Variants in DYRK1A observed in about 807,000 individuals in gnomAD.
The protein encoded by DYRK1A is dual specificity tyrosine phosphorylation regulated kinase 1A, also known as dual specificity tyrosine-phosphorylation-regulated kinase 1A.
A neutral mutation model predicts 79.7 loss-of-function variants in DYRK1A; 9 were observed. The observed-to-expected ratio is 0.11, with a 90% CI of 0.07 to 0.20. DYRK1A has a LOEUF of 0.20. Among genes scored for constraint, DYRK1A ranks in the 10% least tolerant of loss-of-function variants. The pLI, the probability that DYRK1A is intolerant of heterozygous loss-of-function variation, is 1.00. For missense variants in DYRK1A, 622 were observed against 956.0 expected (o/e 0.65, Z 4.61); for synonymous variants, 349 against 329.7 (o/e 1.06, Z -0.63).
rs77725144 is a variant in DYRK1A, at chr21:37,497,521, A to G, written c.1212+1263A>G. On this transcript the variant is annotated intron_variant, in intron 9 of 11. Transcript: ENST00000647188. The stretch of plus-strand genomic sequence containing the variant: ...TCTGGGAATCCTTACTAGCTTCACC[A>G]GCATTTAAAGGCGTTCCTACCAGTT... 9.6e-3 allele frequency among the ~76,000 whole-genome samples: 1,456 copies of G among 152,312 alleles called. 22 individuals are homozygous for G. Among genetic ancestry groups the G allele is most frequent in the African/African-American group, 0.034 (1,394 of 41,566 alleles).
intron 1 of DYRK1A, among the ~76,000 whole-genome samples, chr21:37,392,416 C>G (rs1413190064): frequency 6.6e-6 from 1 of 152,170 alleles, no homozygotes; most frequent in East Asian, 1.9e-4. Flanking sequence ...TGAGGCATGT[C>G]TTGGTCTGTT....
rs1445021851 is a variant in DYRK1A, at chr21:37,516,956, C to G, written c.*4425C>G. On this transcript the variant is annotated 3_prime_UTR_variant, in exon 12 of 12. Coordinates refer to ENST00000647188, the MANE Select transcript of DYRK1A (RefSeq NM_001347721.2). Reference sequence around the variant, plus strand: ...CAGCTGCTGTACCTGAAAATTTTTCCCCATAATTTCCCATCTTTAGGGTAT... The same window carrying G: ...CAGCTGCTGTACCTGAAAATTTTTCGCCATAATTTCCCATCTTTAGGGTAT... 2.0e-5 allele frequency: 3 copies of G among 152,084 alleles called. No individual in the cohort carries two copies. The highest frequency in any genetic ancestry group is 4.4e-5 in the Non-Finnish European group (3 of 68,020). The allele number at this position is 152,084 out of a possible 1,614,324, so 9.4% of individuals were successfully genotyped here. A position where few individuals can be genotyped will look rare whatever the true frequency, so the allele number is the denominator to read the frequency against.
At chr21:37,478,139 A>G (rs2052467224) in intron 3 of DYRK1A, 69 bp from the exon 4 acceptor site, 3 of 1,599,544 alleles carry the variant, frequency 1.9e-6, no homozygotes, top group Middle Eastern at 1.7e-4. Flanking sequence ...GAGGGAATTT[A>G]TATCTTATAG....
rs547405385 is a variant in DYRK1A at position 37,427,373 on chromosome 21, C to T, written c.10+6989C>T. 1.5e-3 allele frequency among the ~76,000 whole-genome samples: 233 copies of T among 152,344 alleles called. 1 individual carries two copies. The highest frequency in any genetic ancestry group is 2.8e-3 in the Admixed American group (43 of 15,304). On this transcript the variant is annotated intron_variant, in intron 2 of 11. Coordinates refer to ENST00000647188, the MANE Select transcript of DYRK1A (RefSeq NM_001347721.2). ...GACCAGCCTTAAGTGATTCTTCCGC[C>T]TTAACCTCCCAAAGTGCTGGGATTA...
In DYRK1A at chr21:37,521,778, G is replaced by A. The variant is rs1402807360; in HGVS notation, c.*9247G>A. 1 of 152,306 alleles carries A rather than the reference G, an allele frequency of 6.6e-6. No homozygotes were observed. The highest frequency in any genetic ancestry group is 6.5e-5 in the Admixed American group (1 of 15,290). The allele number at this position is 152,306 out of a possible 1,614,324, so 9.4% of individuals were successfully genotyped here. On this transcript the variant is annotated 3_prime_UTR_variant, in exon 12 of 12. Coordinates refer to ENST00000647188, the MANE Select transcript of DYRK1A (RefSeq NM_001347721.2). ...GCCAGCATCAGTTTATAAGTGGACA[G>A]AGTCGAGAGCTATTTAGGAAGGAGA...
At chr21:37,510,664 G>C (rs1158760884) in intron 11 of DYRK1A, among the ~76,000 whole-genome samples, 1 of 152,096 alleles carries the variant, frequency 6.6e-6, no homozygotes, top group Non-Finnish European at 1.5e-5. Context: ...TCCAGAATAG[G>C]TGTTCAGGTT....
At chr21:37,507,070 G>GCC (rs56810429) in intron 11 of DYRK1A, among the ~76,000 whole-genome samples, 45,849 of 151,924 alleles carry the variant, frequency 0.3, 7,016 homozygotes, top group South Asian at 0.4. Flanking sequence ...AGAAACCTTT[G>GCC]CCCTCCCCTT....
At chr21:37,418,067 G>C (rs2050392440) in intron 1 of DYRK1A, among the ~76,000 whole-genome samples, 1 of 152,134 alleles carries the variant, frequency 6.6e-6, no homozygotes, top group Non-Finnish European at 1.5e-5. Flanking sequence ...TATCTGCAAA[G>C]CACATTTGGT....
intron 8 of DYRK1A, 123 bp from the exon 9 acceptor site, chr21:37,495,995 G>A (rs2148627189): frequency 1.2e-6 from 1 of 857,164 alleles, no homozygotes; most frequent in African/African-American, 1.7e-5. Context: ...CTGTATGCTG[G>A]ATGTCTAGAG....
intron 2 of DYRK1A, among the ~76,000 whole-genome samples, chr21:37,429,953 T>C (rs1569314635): frequency 6.6e-6 from 1 of 152,236 alleles, no homozygotes; most frequent in Non-Finnish European, 1.5e-5. Flanking sequence ...TTTTAGTATT[T>C]TAAAAAACTA....
rs1039869030 is a variant in DYRK1A, at chr21:37,514,001, G to A, written c.*1470G>A. The A allele has an allele frequency of 6.6e-6, 1 of 152,608 alleles. No homozygotes were observed. The highest frequency in any genetic ancestry group is 2.1e-4 in the South Asian group (1 of 4,834). The allele number at this position is 152,608 out of a possible 1,614,324, so 9.5% of individuals were successfully genotyped here. The stretch of plus-strand genomic sequence containing the variant: ...AGCCAATACATTTACAGCAATCTGT[G>A]TACTGAACATAGTAGATTGACATCT... On this transcript the variant is annotated 3_prime_UTR_variant, in exon 12 of 12. Transcript: ENST00000647188.
chr21:37,413,871 A>G (rs564986721), intron 1 of DYRK1A, among the ~76,000 whole-genome samples: 2 of 152,276 alleles, frequency 1.3e-5, no homozygotes, highest in Admixed American at 6.5e-5. Flanking sequence ...TGTTTTCTTC[A>G]TACCACTTTG....
At chr21:37,458,603 T>G (rs2051737700) in intron 2 of DYRK1A, among the ~76,000 whole-genome samples, 1 of 152,094 alleles carries the variant, frequency 6.6e-6, no homozygotes, top group Admixed American at 6.5e-5. Context: ...CCGGGTTATT[T>G]GTTGCCATGC....
chr21:37,372,448 C>CAA (rs60876813), intron 1 of DYRK1A, among the ~76,000 whole-genome samples: 7 of 117,258 alleles, frequency 6.0e-5, no homozygotes, highest in South Asian at 5.1e-4. Flanking sequence ...AGCACTGTCT[C>CAA]AAAAAAAAAA....
At chr21:37,471,697 C>T (rs1265828168) in intron 2 of DYRK1A, among the ~76,000 whole-genome samples, 2 of 152,170 alleles carry the variant, frequency 1.3e-5, no homozygotes, top group Non-Finnish European at 2.9e-5. Flanking sequence ...GGCTGAGAGT[C>T]TGTGCCCTTC....
chr21:37,484,034 G>A (rs2052757126), intron 5 of DYRK1A, among the ~76,000 whole-genome samples: 1 of 152,178 alleles, frequency 6.6e-6, no homozygotes, highest in Non-Finnish European at 1.5e-5. Context: ...CAGGAGGTGA[G>A]TGGTCAGCAA....
intron 2 of DYRK1A, among the ~76,000 whole-genome samples, chr21:37,456,508 G>T (rs1202171918): frequency 6.6e-6 from 1 of 152,214 alleles, no homozygotes; most frequent in African/African-American, 2.4e-5. Context: ...TGTTTGGAAA[G>T]AACGTCCTCG....
At chr21:37,511,870 A>T in intron 11 of DYRK1A, 41 bp from the exon 12 acceptor site, 2 of 1,585,956 alleles carry the variant, frequency 1.3e-6, no homozygotes, top group Non-Finnish European at 1.7e-6. Flanking sequence ...AAGCTTGGAA[A>T]CAGTCCTCTG....
Position 37,483,592 on chromosome 21 carries a change from G to GT in DYRK1A, c.489+2772dup, listed in dbSNP as rs927237591. On this transcript the variant is annotated intron_variant, in intron 5 of 11. Transcript: ENST00000647188. ...TTTTTGTTTTGTTTTGTTTTGTTTT[G>GT]TTTTTTAAGAGACAGGGTCTCACTG... is the stretch of plus-strand genomic sequence containing the variant. 5.9e-5 allele frequency among the ~76,000 whole-genome samples: 9 copies of GT among 151,808 alleles called. No individual in the cohort carries two copies. In the East Asian group the frequency reaches 9.7e-4, roughly 16 times the overall value.
Sources: gnomAD v4.1 joint callset for allele counts (sites outside exome capture counted in the v4.1 genomes callset) on GRCh38, gnomAD v4.1.1 for gene constraint, MANE v1.5 for transcripts, NCBI Gene and HGNC (gene_info 2026-07-23, HGNC 2026-07-21) for gene names.